The following KIF9 variants were observed in gnomAD, a reference collection of about 807,000 sequenced individuals.
KIF9 encodes kinesin-like protein KIF9.
A neutral mutation model predicts 94.8 loss-of-function variants in KIF9; 68 were observed. The ratio of observed to expected loss-of-function variants is 0.72; its 90% CI spans 0.59 to 0.88. The LOEUF is 0.88. Ranked by LOEUF, KIF9 falls within the 40% of genes least tolerant of loss-of-function variation. KIF9 has a pLI of 0.00. For synonymous variants in KIF9, 343 were observed against 362.1 expected (o/e 0.95, Z 0.60); for missense variants, 882 against 982.5 (o/e 0.90, Z 1.37).
chr3:47,273,858 T>C (rs548634175), intron 3 of KIF9, among the ~76,000 whole-genome samples, 200 bp from the exon 4 acceptor site: 1 of 152,160 alleles, frequency 6.6e-6, no homozygotes, highest in Non-Finnish European at 1.5e-5. Flanking sequence ...AACAAGGACA[T>C]CTGCCCTGAA....
chr3:47,239,473 C>T (rs1269222243), intron 17 of KIF9: 1 of 833,562 alleles, frequency 1.2e-6, no homozygotes, highest in Non-Finnish European at 1.5e-6. Flanking sequence ...GCTTCCCAGA[C>T]CCGTGGAGGG....
intron 16 of KIF9, among the ~76,000 whole-genome samples, chr3:47,241,219 T>C (rs552029125): frequency 2.0e-5 from 3 of 152,176 alleles, no homozygotes; most frequent in Admixed American, 6.5e-5. Context: ...CATATGCCCA[T>C]GGCAGAAAGT....
intron 10 of KIF9, chr3:47,250,601 A>G (rs951586823): frequency 4.1e-6 from 2 of 485,960 alleles, no homozygotes; most frequent in African/African-American, 3.9e-5. Flanking sequence ...ACACACAATC[A>G]TCACACTCAT....
chr3:47,232,863 TC>T (rs1698704351), intron 20 of KIF9, among the ~76,000 whole-genome samples: 1 of 150,000 alleles, frequency 6.7e-6, no homozygotes, highest in Non-Finnish European at 1.5e-5. Context: ...GCACCTGTAG[TC>T]CCAGCTACTC....
Position 47,257,523 on chromosome 3 carries a change from A to C in KIF9, c.1019T>G (p.Val340Gly). 1 of 1,614,000 alleles carries C rather than the reference A, an allele frequency of 6.2e-7. No individual in the cohort carries two copies. The highest frequency in any genetic ancestry group is 8.5e-7 in the Non-Finnish European group (1 of 1,180,028). The change falls in exon 10 of 21, where the codon GTC becomes GGC. Residue 340 changes from valine to glycine, a missense_variant. By Grantham distance (109) the Val-to-Gly change is moderately radical. Coordinates refer to ENST00000684063, the MANE Select transcript of KIF9 (RefSeq NM_182902.4). ...TTCATTGATGGCAGGCTCAGTGGTG[A>C]CTAGCTTCATCCTGCTGGCAAATCT... ...SLRFASRMKL[V>G]TTEPAINEKY...
intron 17 of KIF9, among the ~76,000 whole-genome samples, chr3:47,239,066 C>T (rs1370248683): frequency 3.9e-5 from 6 of 152,104 alleles, no homozygotes; most frequent in East Asian, 1.9e-4. Flanking sequence ...GGCATGGTGG[C>T]GGGTATGCCT....
intron 4 of KIF9, among the ~76,000 whole-genome samples, chr3:47,272,119 AAAATAAAT>A (rs34978707): frequency 2.6e-5 from 4 of 151,956 alleles, no homozygotes; most frequent in Admixed American, 6.6e-5. Flanking sequence ...CTCCATCTAA[AAAATAAAT>A]AAATAAATAA....
rs1701254703 is a variant in KIF9, at chr3:47,265,785, C to T, written c.861G>A (p.Arg287=). The part of the protein sequence containing the change: ...QAIIALGDQK[R]DHIPFRQCKL... ...TGCACTGCCGAAAGGGGATGTGGTC[C>T]CGCTTCTGGTCCCCAAGGGCAATGA... Residue 287 remains arginine (R), a synonymous_variant, in exon 8 of 21, where the codon CGG becomes CGA. Coordinates refer to ENST00000684063, the MANE Select transcript of KIF9 (RefSeq NM_182902.4). 3.1e-6 allele frequency: 5 copies of T among 1,614,176 alleles called. No homozygotes were observed. In the East Asian group the frequency reaches 1.1e-4, roughly 36 times the overall value.
chr3:47,236,229 C>T (rs538488140), intron 18 of KIF9, 80 bp from the exon 19 acceptor site: 277 of 1,162,134 alleles, frequency 2.4e-4, no homozygotes, highest in Middle Eastern at 1.2e-3. Flanking sequence ...CTGTTGCAGG[C>T]TCACCATCTG....
rs116668109 is a variant in KIF9, at chr3:47,242,457, C to T, written c.1709+594G>A. 2.4e-3 allele frequency among the ~76,000 whole-genome samples: 359 copies of T among 152,208 alleles called. 1 individual carries two copies. Among genetic ancestry groups the T allele is most frequent in the Non-Finnish European group, 4.3e-3 (295 of 68,008 alleles). On this transcript the variant is annotated intron_variant, in intron 16 of 20. Coordinates refer to ENST00000684063, the MANE Select transcript of KIF9 (RefSeq NM_182902.4). ...GGAGGATGGTTGGTGTACAGGTGTT[C>T]GCTGTACAATTATTTCAACTTCTCT...
chr3:47,239,769 G>T, intron 17 of KIF9: 1 of 1,350,696 alleles, frequency 7.4e-7, no homozygotes, highest in Non-Finnish European at 9.9e-7. Flanking sequence ...AGAAATAAAT[G>T]AGTAAAATGC....
At chr3:47,259,063 G>A (rs1270882125) in intron 9 of KIF9, among the ~76,000 whole-genome samples, 1 of 152,184 alleles carries the variant, frequency 6.6e-6, no homozygotes, top group African/African-American at 2.4e-5. Flanking sequence ...GAGGGCAGAT[G>A]CTCAGGCCCC....
intron 13 of KIF9, 61 bp downstream of exon 13, chr3:47,246,136 A>G (rs1001133973): frequency 6.8e-7 from 1 of 1,479,866 alleles, no homozygotes; most frequent in Non-Finnish European, 9.4e-7. Context: ...AAGTGCCCAG[A>G]TGGCAGGAGA....
chr3:47,245,642 C>G, intron 13 of KIF9, 131 bp from the exon 14 acceptor site: 1 of 695,296 alleles, frequency 1.4e-6, no homozygotes, highest in South Asian at 1.6e-5. Context: ...TCATCATGAA[C>G]CAGACCAGAC....
At chr3:47,262,127 T>A (rs1701015197) in intron 9 of KIF9, among the ~76,000 whole-genome samples, 1 of 151,990 alleles carries the variant, frequency 6.6e-6, no homozygotes, top group Non-Finnish European at 1.5e-5. Context: ...TACCAGGAGT[T>A]GTTTCCTGAG....
At chr3:47,257,822 A>G (rs1700720155) in intron 9 of KIF9, among the ~76,000 whole-genome samples, 1 of 152,182 alleles carries the variant, frequency 6.6e-6, no homozygotes, top group Non-Finnish European at 1.5e-5. Flanking sequence ...GCACTGGTCT[A>G]TTCATCCAAA....
intron 10 of KIF9, among the ~76,000 whole-genome samples, chr3:47,256,494 C>T (rs1285010279): frequency 2.0e-5 from 3 of 151,730 alleles, no homozygotes; most frequent in Admixed American, 1.3e-4. Context: ...CCCGCCAGGC[C>T]AGCCGCCCCG....
chr3:47,265,968 A>T (rs1701266533), intron 7 of KIF9, 91 bp from the exon 8 acceptor site: 10 of 1,444,220 alleles, frequency 6.9e-6, no homozygotes, highest in East Asian at 2.3e-5. Context: ...AAATGCTATA[A>T]GTCTGTGGTC....
At chr3:47,238,970 G>A (rs1023736232) in intron 17 of KIF9, among the ~76,000 whole-genome samples, 1 of 152,184 alleles carries the variant, frequency 6.6e-6, no homozygotes, top group African/African-American at 2.4e-5. Flanking sequence ...GCCGAAAATC[G>A]GGCAGATCAC....
Sources: gnomAD v4.1 joint callset for allele counts (sites outside exome capture counted in the v4.1 genomes callset) on GRCh38, gnomAD v4.1.1 for gene constraint, MANE v1.5 for transcripts, NCBI Gene and HGNC (gene_info 2026-07-23, HGNC 2026-07-21) for gene names.